Variants in PHACTR3 observed in about 807,000 individuals in gnomAD.
The protein encoded by PHACTR3 is protein phosphatase 1, regulatory subunit 123.
PHACTR3 carries 16 observed loss-of-function variants against 66.8 expected under a neutral mutation model. That is an observed-to-expected ratio of 0.24 (90% CI 0.16 to 0.36). The LOEUF (loss-of-function observed/expected upper bound fraction) is 0.36. PHACTR3 is among the 10% of genes least tolerant of loss of function. The pLI is 1.00. For synonymous variants in PHACTR3, 323 were observed against 292.1 expected (o/e 1.11, Z -1.08); for missense variants, 647 against 719.9 (o/e 0.90, Z 1.16).
At position 59,578,178 on chromosome 20, in the gene PHACTR3, C is replaced by G. The variant is rs191724789; in HGVS notation, c.109+561C>G. Among the ~76,000 whole-genome samples the G allele has an allele frequency of 2.8e-3, 429 of 152,354 alleles. 1 individual carries two copies. Among genetic ancestry groups the G allele is most frequent in the Non-Finnish European group, 5.0e-3 (338 of 68,032 alleles). ...CCAGCTGCAGTTCAAGGGATGGGAT[C>G]TAGGAAGAGGGGCCTGAGGAATCCA... On this transcript the variant is annotated intron_variant, in intron 1 of 12. Transcript: ENST00000359926.
At chr20:59,822,155 G>A (rs1214121772) in intron 8 of PHACTR3, among the ~76,000 whole-genome samples, 1 of 29,640 alleles carries the variant, frequency 3.4e-5, no homozygotes. Flanking sequence ...CCTCCGCAGC[G>A]ATCCCACCCC....
chr20:59,620,834 G>T (rs1395389023), intron 1 of PHACTR3, among the ~76,000 whole-genome samples: 2 of 152,264 alleles, frequency 1.3e-5, no homozygotes, highest in East Asian at 3.9e-4. Context: ...TTCAGGGGTG[G>T]CTGTCTTTCC....
intron 1 of PHACTR3, among the ~76,000 whole-genome samples, chr20:59,626,089 C>T (rs1479939747): frequency 1.3e-5 from 2 of 152,208 alleles, no homozygotes; most frequent in Non-Finnish European, 2.9e-5. Context: ...TTGCAATCCT[C>T]TGCAGGGAAT....
rs561677181 is a variant in PHACTR3, at chr20:59,817,726, G to C, written c.1328+11532G>C. Reference sequence around the variant, plus strand: ...CCTGGCCACATGTCAGGCCATTGTGGCCAGAATTTCCAAGAGAAACCGAAG... The same window carrying C: ...CCTGGCCACATGTCAGGCCATTGTGCCCAGAATTTCCAAGAGAAACCGAAG... On this transcript the variant is annotated intron_variant, in intron 8 of 12. Coordinates refer to ENST00000371015, the MANE Select transcript of PHACTR3 (RefSeq NM_080672.5). 2.0e-5 allele frequency among the ~76,000 whole-genome samples: 3 copies of C among 152,334 alleles called. 1 individual carries two copies. The South Asian group carries it at 6.2e-4, about 32-fold the overall frequency.
intron 7 of PHACTR3, among the ~76,000 whole-genome samples, chr20:59,787,047 G>A (rs1443012220): frequency 6.6e-6 from 1 of 152,228 alleles, no homozygotes; most frequent in Non-Finnish European, 1.5e-5. Flanking sequence ...CAGAGTGGAA[G>A]CAAGAGGAAA....
intron 1 of PHACTR3, among the ~76,000 whole-genome samples, chr20:59,675,304 C>T (rs1485810495): frequency 6.6e-6 from 1 of 151,908 alleles, no homozygotes; most frequent in Admixed American, 6.6e-5. Flanking sequence ...GGGAAGGGTA[C>T]CCCATTGTAC....
At position 59,733,072 on chromosome 20, in the gene PHACTR3, C is replaced by CTTT. The variant is rs35384852; in HGVS notation, c.119-10020_119-10018dup. ...TTCCCTTTTTTGAATAAATTCACTC[C>CTTT]TTTTTTTTTTTTTTTTTGCATCCCT... On this transcript the variant is annotated intron_variant, in intron 1 of 12. Transcript: ENST00000371015. 3.0e-4 allele frequency among the ~76,000 whole-genome samples: 38 copies of CTTT among 127,940 alleles called. 1 individual carries two copies. Among genetic ancestry groups the CTTT allele is most frequent in the African/African-American group, 1.0e-3 (36 of 34,626 alleles). The allele number at this position is 127,940 out of a possible 152,430, so 83.9% of individuals were successfully genotyped here.
intron 2 of PHACTR3, among the ~76,000 whole-genome samples, chr20:59,743,783 G>A (rs116933647): frequency 0.022 from 3,372 of 152,332 alleles, 59 homozygotes; most frequent in Non-Finnish European, 0.035. Context: ...GGTTGAGGCC[G>A]TCGGTTTGGC....
intron 1 of PHACTR3, among the ~76,000 whole-genome samples, chr20:59,728,568 G>GTTA (rs113368944): frequency 0.049 from 7,386 of 151,684 alleles, 249 homozygotes; most frequent in Non-Finnish European, 0.053. Flanking sequence ...ATTACCTTTT[G>GTTA]TTATTATTAT....
intron 7 of PHACTR3, among the ~76,000 whole-genome samples, chr20:59,798,437 T>C (rs2041315911): frequency 6.6e-6 from 1 of 152,380 alleles, no homozygotes. Context: ...AAAATTAGTA[T>C]TATTCTCTAA....
chr20:59,720,958 G>C (rs1432246810), intron 1 of PHACTR3, among the ~76,000 whole-genome samples: 1 of 143,964 alleles, frequency 6.9e-6, no homozygotes, highest in Non-Finnish European at 1.5e-5. Flanking sequence ...TTCTGTACTG[G>C]GTGTCAGGGA....
intron 1 of PHACTR3, among the ~76,000 whole-genome samples, chr20:59,713,808 A>G (rs1488216727): frequency 6.6e-6 from 1 of 151,026 alleles, no homozygotes; most frequent in Non-Finnish European, 1.5e-5. Context: ...TATGTTTGGC[A>G]TTAGTAGATA....
chr20:59,786,890 G>A (rs535310747), intron 7 of PHACTR3, among the ~76,000 whole-genome samples: 1 of 152,214 alleles, frequency 6.6e-6, no homozygotes, highest in East Asian at 1.9e-4. Context: ...TTTCTGTGCT[G>A]CTTGTAGAAG....
At chr20:59,650,870 C>G (rs758615629) in intron 1 of PHACTR3, among the ~76,000 whole-genome samples, 3 of 151,718 alleles carry the variant, frequency 2.0e-5, no homozygotes, top group Non-Finnish European at 2.9e-5. Context: ...TGCAGTGTGG[C>G]AGGGTTGGGG....
intron 8 of PHACTR3, among the ~76,000 whole-genome samples, chr20:59,819,602 C>T (rs906350515): frequency 6.6e-6 from 1 of 152,144 alleles, no homozygotes; most frequent in African/African-American, 2.4e-5. Context: ...CCTGCAGATC[C>T]CACAGGTCCA....
chr20:59,605,197 G>C, intron 1 of PHACTR3, 65 bp downstream of exon 1: 1 of 1,158,328 alleles, frequency 8.6e-7, no homozygotes, highest in Non-Finnish European at 1.1e-6. Context: ...GCTGAGAGCA[G>C]GACCCCGCGA....
chr20:59,684,367 C>T (rs971506756), intron 1 of PHACTR3, among the ~76,000 whole-genome samples: 11 of 152,168 alleles, frequency 7.2e-5, no homozygotes, highest in Admixed American at 7.2e-4. Context: ...TGTGTGCTCA[C>T]GGTGTGTTTC....
chr20:59,685,147 C>G (rs1377890412), intron 1 of PHACTR3, among the ~76,000 whole-genome samples: 2 of 152,212 alleles, frequency 1.3e-5, no homozygotes, highest in Non-Finnish European at 2.9e-5. Context: ...GGGCCCTGCA[C>G]CCACCTCCTG....
At chr20:59,692,373 C>T (rs1324217692) in intron 1 of PHACTR3, among the ~76,000 whole-genome samples, 1 of 152,216 alleles carries the variant, frequency 6.6e-6, no homozygotes, top group Non-Finnish European at 1.5e-5. Flanking sequence ...TAACCATCAA[C>T]TTATAAATAG....
Sources: gnomAD v4.1 joint callset for allele counts (sites outside exome capture counted in the v4.1 genomes callset) on GRCh38, gnomAD v4.1.1 for gene constraint, MANE v1.5 for transcripts, NCBI Gene and HGNC (gene_info 2026-07-23, HGNC 2026-07-21) for gene names.